Variants in RRBP1 observed in about 807,000 individuals in gnomAD.
RRBP1 encodes the protein ribosome-binding protein 1.
A neutral mutation model predicts 165.2 loss-of-function variants in RRBP1; 94 were observed. The observed-to-expected ratio is 0.57, with a 90% CI of 0.48 to 0.68. The LOEUF is 0.68. RRBP1 is among the 30% of genes least tolerant of loss of function. The probability of loss-of-function intolerance (pLI) is 0.00; values close to 1 mark genes in which losing one functional copy is unlikely to be tolerated. For synonymous variants in RRBP1, 680 were observed against 714.5 expected (o/e 0.95, Z 0.77); for missense variants, 1,676 against 1,763.0 (o/e 0.95, Z 0.88).
chr20:17,613,875 C>G lies in RRBP1; in HGVS notation c.*307G>C. 2.7e-6 allele frequency: 1 copy of G among 368,038 alleles called. No homozygotes were observed. 22.8% of individuals were successfully genotyped at this position (368,038 alleles called of 1,614,324 possible). On this transcript the variant is annotated 3_prime_UTR_variant, in exon 25 of 25. Coordinates refer to ENST00000377813, the MANE Select transcript of RRBP1 (RefSeq NM_001365613.2). Reference sequence around the variant, plus strand: ...AAACGATTGCACTGACAGACAGACCCCAGAGCGCCCGGCCTCCCACACACC... The same window carrying G: ...AAACGATTGCACTGACAGACAGACCGCAGAGCGCCCGGCCTCCCACACACC...
At chr20:17,668,470 T>G (rs572823745) in intron 2 of RRBP1, among the ~76,000 whole-genome samples, 1 of 152,364 alleles carries the variant, frequency 6.6e-6, no homozygotes, top group South Asian at 2.1e-4. Flanking sequence ...CTGCCTCTAA[T>G]GAGCTGTTTT....
intron 3 of RRBP1, among the ~76,000 whole-genome samples, chr20:17,658,279 C>A (rs1050883670): frequency 3.9e-5 from 6 of 152,104 alleles, no homozygotes; most frequent in Non-Finnish European, 8.8e-5. Context: ...CTATGAAGGG[C>A]CTCTGCCCTG....
intron 3 of RRBP1, among the ~76,000 whole-genome samples, chr20:17,652,001 G>C: frequency 6.6e-6 from 1 of 152,280 alleles, no homozygotes; most frequent in East Asian, 1.9e-4. Context: ...GACCAGCCAG[G>C]TAACAGGTAG....
At chr20:17,675,352 T>C (rs1029906712) in intron 2 of RRBP1, among the ~76,000 whole-genome samples, 10 of 152,218 alleles carry the variant, frequency 6.6e-5, no homozygotes, top group Admixed American at 2.0e-4. Flanking sequence ...TACAAAATCA[T>C]CTCCATTAGC....
intron 3 of RRBP1, among the ~76,000 whole-genome samples, chr20:17,655,689 A>C (rs1180867838): frequency 6.6e-6 from 1 of 152,250 alleles, no homozygotes; most frequent in Non-Finnish European, 1.5e-5. Context: ...CAGGAGAAGA[A>C]GAAAAACTAC....
At chr20:17,667,411 T>G (rs867291670) in intron 2 of RRBP1, among the ~76,000 whole-genome samples, 1 of 152,328 alleles carries the variant, frequency 6.6e-6, no homozygotes, top group Middle Eastern at 3.4e-3. Context: ...ACTGGTTTAT[T>G]CTGTCTTTTC....
intron 18 of RRBP1, 165 bp from the exon 19 acceptor site, chr20:17,619,893 C>T: frequency 1.8e-6 from 1 of 564,632 alleles, no homozygotes. Flanking sequence ...GCAAGAGAAC[C>T]CCTTACGGAA....
chr20:17,622,025 G>T, intron 13 of RRBP1, 78 bp from the exon 14 acceptor site: 1 of 1,070,554 alleles, frequency 9.3e-7, no homozygotes, highest in Non-Finnish European at 1.4e-6. Context: ...TTACTGATAT[G>T]CCCGGGTCTC....
chr20:17,647,736 CA>C (rs2036489485), intron 3 of RRBP1, among the ~76,000 whole-genome samples: 1 of 152,156 alleles, frequency 6.6e-6, no homozygotes, highest in African/African-American at 2.4e-5. Context: ...ACTCCAGTGG[CA>C]AAAACTCTCA....
intron 4 of RRBP1, among the ~76,000 whole-genome samples, chr20:17,642,328 G>A (rs781398106): frequency 3.3e-5 from 5 of 152,266 alleles, no homozygotes; most frequent in South Asian, 4.1e-4. Flanking sequence ...GCCTCTCCCT[G>A]GTCATCTGAA....
At chr20:17,626,312 T>C (rs1026272077) in intron 11 of RRBP1, among the ~76,000 whole-genome samples, 2 of 152,252 alleles carry the variant, frequency 1.3e-5, no homozygotes, top group Non-Finnish European at 2.9e-5. Context: ...ACAACCTCTC[T>C]ACCCCAACAA....
At chr20:17,677,192 C>A (rs1017862404) in intron 2 of RRBP1, among the ~76,000 whole-genome samples, 1 of 152,154 alleles carries the variant, frequency 6.6e-6, no homozygotes, top group Non-Finnish European at 1.5e-5. Flanking sequence ...TGGAATTCCT[C>A]TCAAGACAGC....
chr20:17,620,384 G>A lies in RRBP1; in HGVS notation c.3508-14C>T. The A allele has an allele frequency of 6.2e-7, 1 of 1,610,728 alleles. No homozygotes were observed. The highest frequency in any genetic ancestry group is 8.5e-7 in the Non-Finnish European group (1 of 1,177,268). ...TGTGACCCGGGACTACAAAGCAAGG[G>A]GAAGGCTCCGTCAGACACGAGCACC... On this transcript the variant is annotated splice_polypyrimidine_tract_variant and intron_variant, in intron 17 of 24. Transcript: ENST00000377813.
At chr20:17,670,145 C>T (rs2036948774) in intron 2 of RRBP1, among the ~76,000 whole-genome samples, 1 of 152,124 alleles carries the variant, frequency 6.6e-6, no homozygotes, top group African/African-American at 2.4e-5. Flanking sequence ...TTATCAAATA[C>T]TTTATCTGTA....
In RRBP1 at chr20:17,660,100, G is replaced by T. The variant is rs201137546; in HGVS notation, c.408C>A (p.Pro136=). ...AMPQEKLASS[P]KDKKKKEKKV... ...TTTTCTCCTTCTTCTTTTTGTCCTT[G>T]GGGGAGGAGGCCAGCTTCTCCTGGG... The change falls in exon 3 of 25, where the codon CCC becomes CCA. Residue 136 remains proline (P), a synonymous_variant. Coordinates refer to ENST00000377813, the MANE Select transcript of RRBP1 (RefSeq NM_001365613.2). 4.3e-6 allele frequency: 7 copies of T among 1,614,076 alleles called. No individual in the cohort carries two copies. In the East Asian group the frequency reaches 6.7e-5, roughly 15 times the overall value.
At position 17,621,880 on chromosome 20, in the gene RRBP1, G is replaced by A; in HGVS notation, c.3215C>T (p.Pro1072Leu). Reference sequence around the variant, plus strand: ...CTGTTGTGCCAAGACAGAGAGTTCTGGGAGCAGAGCCAGCAGGGCCTCCAT... The same window carrying A: ...CTGTTGTGCCAAGACAGAGAGTTCTAGGAGCAGAGCCAGCAGGGCCTCCAT... ...QTMEALLALL[P>L]ELSVLAQQNY... The change falls in exon 14 of 25, where the codon CCA becomes CTA. Residue 1072 changes from proline to leucine, a missense_variant. Pro to Leu is a moderately conservative substitution (Grantham distance 98). This residue lies in a region of RRBP1 where 1,184 missense variants were observed against 1,167.1 expected (regional missense o/e 1.01). Coordinates refer to ENST00000377813, the MANE Select transcript of RRBP1 (RefSeq NM_001365613.2). 6.2e-7 allele frequency: 1 copy of A among 1,613,890 alleles called. No homozygotes were observed. The highest frequency in any genetic ancestry group is 1.3e-5 in the African/African-American group (1 of 75,040).
intron 11 of RRBP1, 27 bp from the exon 12 acceptor site, chr20:17,625,629 C>A: frequency 3.8e-6 from 6 of 1,599,562 alleles, no homozygotes; most frequent in Non-Finnish European, 5.1e-6. Flanking sequence ...AGGTCACCGC[C>A]TAGGCTCCAA....
chr20:17,671,069 T>C (rs922236475), intron 2 of RRBP1, among the ~76,000 whole-genome samples: 3 of 152,340 alleles, frequency 2.0e-5, no homozygotes, highest in Middle Eastern at 3.4e-3. Context: ...TTCAGTTTTA[T>C]GTAATCTGCT....
intron 8 of RRBP1, among the ~76,000 whole-genome samples, chr20:17,632,615 A>ACTAG (rs1470932603): frequency 6.6e-6 from 1 of 152,198 alleles, no homozygotes; most frequent in Non-Finnish European, 1.5e-5. Context: ...GCCCCCACGC[A>ACTAG]CTACAGCCTG....
Sources: gnomAD v4.1 joint callset for allele counts (sites outside exome capture counted in the v4.1 genomes callset) on GRCh38, gnomAD v4.1.1 for gene constraint, gnomAD v4.1.1 regional missense constraint, MANE v1.5 for transcripts, NCBI Gene and HGNC (gene_info 2026-07-23, HGNC 2026-07-21) for gene names.